CCDC171: variants seen among roughly 807,000 people sequenced by gnomAD.
CCDC171 encodes the protein coiled-coil domain containing 171.
In CCDC171, 177 loss-of-function variants were observed where a neutral mutation model predicts 168.2. That is an observed-to-expected ratio of 1.05 (90% CI 0.93 to 1.19). The LOEUF (loss-of-function observed/expected upper bound fraction) is 1.19, where lower values mean the gene tolerates loss of function less well. CCDC171 is among the 50% of genes most tolerant of loss of function. The probability of loss-of-function intolerance (pLI) is 0.00; values close to 1 mark genes in which losing one functional copy is unlikely to be tolerated. For missense variants in CCDC171, 1,991 were observed against 1,539.0 expected, an observed-to-expected ratio of 1.29 and a Z score of -4.91; for synonymous variants, 687 against 540.8, an observed-to-expected ratio of 1.27 and a Z score of -3.75.
At chr9:15,872,243 A>G (rs553251520) in intron 23 of CCDC171, among the ~76,000 whole-genome samples, 1 of 152,078 alleles carries the variant, frequency 6.6e-6, no homozygotes, top group Non-Finnish European at 1.5e-5. Context: ...TTTATTCAAT[A>G]TAAAGAATTA....
intron 25 of CCDC171, among the ~76,000 whole-genome samples, chr9:15,959,399 T>G (rs559904628): frequency 6.6e-6 from 1 of 152,182 alleles, no homozygotes; most frequent in African/African-American, 2.4e-5. Flanking sequence ...GTCTTTAATC[T>G]CAAATTTGAA....
chr9:15,611,909 T>C (rs276439), intron 6 of CCDC171, among the ~76,000 whole-genome samples: 8,996 of 152,194 alleles, frequency 0.059, 339 homozygotes, highest in African/African-American at 0.1. Context: ...ATTGTGATGG[T>C]ATTAGGAGGT....
At chr9:16,097,876 T>A in the CCDC171 span, among the ~76,000 whole-genome samples, 7 of 152,358 alleles carry the variant, frequency 4.6e-5, no homozygotes, top group Admixed American at 6.5e-5. Flanking sequence ...AGAGACTGAC[T>A]GACTTGCATT....
chr9:15,654,453 A>T (rs2047765179), intron 7 of CCDC171, among the ~76,000 whole-genome samples: 1 of 152,218 alleles, frequency 6.6e-6, no homozygotes, highest in Non-Finnish European at 1.5e-5. Flanking sequence ...CTGCACTATG[A>T]TAGTCATTAT....
intron 21 of CCDC171, among the ~76,000 whole-genome samples, chr9:15,792,453 A>G (rs199557114): frequency 6.6e-6 from 1 of 152,166 alleles, no homozygotes; most frequent in East Asian, 1.9e-4. Flanking sequence ...CCAACATTCA[A>G]ATTCAGGAAA....
chr9:15,723,558 T>A (rs1588145402), intron 12 of CCDC171, 123 bp from the exon 13 acceptor site: 24 of 655,570 alleles, frequency 3.7e-5, no homozygotes, highest in South Asian at 3.2e-4. Context: ...ATTGAAAAAT[T>A]TGTATTTAAG....
intron 21 of CCDC171, among the ~76,000 whole-genome samples, chr9:15,828,916 C>T: frequency 6.6e-6 from 1 of 152,154 alleles, no homozygotes; most frequent in Admixed American, 6.5e-5. Flanking sequence ...GTTTCTCCTT[C>T]TTGACTGGCA....
intron 3 of CCDC171, among the ~76,000 whole-genome samples, chr9:15,983,817 A>AGAGTGT (rs368957982): frequency 1.4e-4 from 20 of 142,642 alleles, no homozygotes; most frequent in Admixed American, 4.3e-4. Flanking sequence ...AAATAAAGAG[A>AGAGTGT]GTGTGTGTGT....
chr9:15,682,625 C>G (rs1392415144), intron 10 of CCDC171, among the ~76,000 whole-genome samples: 2 of 151,656 alleles, frequency 1.3e-5, no homozygotes, highest in African/African-American at 4.8e-5. Context: ...GAAATTACTT[C>G]AATTTATAGA....
At chr9:15,840,811 C>G (rs1047467187) in intron 21 of CCDC171, among the ~76,000 whole-genome samples, 33 of 151,842 alleles carry the variant, frequency 2.2e-4, no homozygotes, top group Admixed American at 2.1e-3. Context: ...GTAACTATTT[C>G]TTTTCCACTT....
At chr9:15,876,048 T>G (rs1817796933) in intron 24 of CCDC171, 1 of 152,012 alleles carries the variant, frequency 6.6e-6, no homozygotes, top group Non-Finnish European at 1.5e-5. Flanking sequence ...GGCTTAGTAT[T>G]TGTCGTAATT....
At chr9:15,628,895 A>G (rs1323387717) in intron 7 of CCDC171, among the ~76,000 whole-genome samples, 1 of 152,204 alleles carries the variant, frequency 6.6e-6, no homozygotes, top group African/African-American at 2.4e-5. Flanking sequence ...TTCTGCAGCC[A>G]CCGCTGCTGG....
At chr9:15,979,317 G>A (rs1831720362) in intron 3 of CCDC171, among the ~76,000 whole-genome samples, 1 of 152,098 alleles carries the variant, frequency 6.6e-6, no homozygotes, top group Non-Finnish European at 1.5e-5. Context: ...ATAATCTTCA[G>A]TACATTGTTG....
chr9:16,026,004 G>A (rs1833268145), intron 6 of CCDC171, among the ~76,000 whole-genome samples: 1 of 152,200 alleles, frequency 6.6e-6, no homozygotes, highest in Admixed American at 6.5e-5. Flanking sequence ...AGTGGGATGA[G>A]TTGGTCACCC....
intron 5 of CCDC171, among the ~76,000 whole-genome samples, chr9:15,591,902 A>G (rs567454051): frequency 6.6e-6 from 1 of 152,316 alleles, no homozygotes; most frequent in African/African-American, 2.4e-5. Context: ...TTTTGGTCTG[A>G]ATATACAATA....
chr9:15,688,118 C>CAAAAAAAAAAAAAAAA (rs33945014), intron 10 of CCDC171, among the ~76,000 whole-genome samples: 4 of 94,944 alleles, frequency 4.2e-5, no homozygotes, highest in African/African-American at 1.2e-4. Flanking sequence ...GACTCCATCT[C>CAAAAAAAAAAAAAAAA]AAAAAAAAAA....
At chr9:15,646,450 G>T (rs1473289996) in intron 7 of CCDC171, among the ~76,000 whole-genome samples, 2 of 152,144 alleles carry the variant, frequency 1.3e-5, no homozygotes, top group Non-Finnish European at 2.9e-5. Context: ...AAAAGACACA[G>T]ACTGGCAAAT....
At chr9:15,935,530 A>T (rs371226800) in intron 25 of CCDC171, among the ~76,000 whole-genome samples, 6 of 152,142 alleles carry the variant, frequency 3.9e-5, no homozygotes, top group African/African-American at 1.4e-4. Flanking sequence ...CAATAGATTA[A>T]GTGTGTTTCT....
chr9:15,553,744 A>C (rs890907550), intron 1 of CCDC171: 6 of 151,902 alleles, frequency 3.9e-5, no homozygotes, highest in African/African-American at 1.5e-4. Flanking sequence ...GCTTCTACCT[A>C]CCCTCCAGGA....
Sources: gnomAD v4.1 joint callset for allele counts (sites outside exome capture counted in the v4.1 genomes callset) on GRCh38, gnomAD v4.1.1 for gene constraint, MANE v1.5 for transcripts, NCBI Gene and HGNC (gene_info 2026-07-23, HGNC 2026-07-21) for gene names.